SYCE3: variants seen among roughly 807,000 people sequenced by gnomAD.
SYCE3 encodes testis highly expressed gene 2 protein.
Under a neutral mutation model 8.1 loss-of-function variants are expected in SYCE3, and 3 were observed. The ratio of observed to expected loss-of-function variants is 0.37; its 90% CI spans 0.17 to 0.96. The LOEUF is 0.96. Among genes scored for constraint, SYCE3 ranks in the 40% least tolerant of loss-of-function variants. The pLI is 0.41. For synonymous variants in SYCE3, 36 were observed against 38.7 expected (o/e 0.93, Z 0.26); for missense variants, 83 against 110.0 (o/e 0.75, Z 1.10).
chr22:50,559,638 G>T (rs1397342063), intron 1 of SYCE3, among the ~76,000 whole-genome samples: 1 of 152,156 alleles, frequency 6.6e-6, no homozygotes, highest in Non-Finnish European at 1.5e-5. Context: ...AGTGTTAGAA[G>T]TGGAGGTAGC....
chr22:50,552,779 TC>T (rs2069823267), intron 2 of SYCE3, among the ~76,000 whole-genome samples: 1 of 152,008 alleles, frequency 6.6e-6, no homozygotes, highest in Non-Finnish European at 1.5e-5. Context: ...GGAGGTCGGG[TC>T]TTTTGGAGAT....
intron 2 of SYCE3, among the ~76,000 whole-genome samples, chr22:50,554,152 G>A (rs529371391): frequency 6.7e-6 from 1 of 149,290 alleles, no homozygotes; most frequent in South Asian, 2.1e-4. Context: ...CCGAGATTGT[G>A]CCACTGCACT....
chr22:50,559,006 G>C (rs902638037), intron 1 of SYCE3, among the ~76,000 whole-genome samples: 1 of 152,110 alleles, frequency 6.6e-6, no homozygotes, highest in Admixed American at 6.5e-5. Context: ...TTTTAACCTT[G>C]TTCTCTCCAA....
chr22:50,551,666 G>C (rs1196047830), intron 2 of SYCE3, among the ~76,000 whole-genome samples: 1 of 152,222 alleles, frequency 6.6e-6, no homozygotes, highest in African/African-American at 2.4e-5. Context: ...AAAAACTAGA[G>C]GCTGGTCTGA....
chr22:50,559,659 A>C (rs1569034059), intron 1 of SYCE3, among the ~76,000 whole-genome samples: 1 of 152,152 alleles, frequency 6.6e-6, no homozygotes, highest in Admixed American at 6.5e-5. Context: ...CGCCAGGCTT[A>C]GTCGGTCATG....
chr22:50,557,747 T>G (rs1276109673), intron 1 of SYCE3, among the ~76,000 whole-genome samples: 1 of 151,172 alleles, frequency 6.6e-6, no homozygotes, highest in Non-Finnish European at 1.5e-5. Flanking sequence ...ATGTAAGAGC[T>G]GCCAGGGAAC....
intron 2 of SYCE3, among the ~76,000 whole-genome samples, chr22:50,552,828 AG>A (rs746187454): frequency 6.6e-6 from 1 of 152,146 alleles, no homozygotes; most frequent in Non-Finnish European, 1.5e-5. Context: ...GAATGGGATT[AG>A]CACCCCTTAA....
intron 1 of SYCE3, among the ~76,000 whole-genome samples, chr22:50,558,690 G>T (rs6010005): frequency 1.4e-4 from 21 of 152,106 alleles, no homozygotes; most frequent in African/African-American, 4.6e-4. Context: ...TAAGTGGGGA[G>T]GTACAGGCAG....
At position 50,551,271 on chromosome 22, in the gene SYCE3, G is replaced by A; in HGVS notation, c.241C>T (p.Leu81=). 6.4e-7 allele frequency: 1 copy of A among 1,551,410 alleles called. No homozygotes were observed. ...EEMEKNWQEL[L]HETKQRL is the part of the protein sequence containing the mutation. ...TACAGCCTTTGCTTGGTCTCATGCA[G>A]CAGCTCTTGCCAGTTCTTCTCCATC... The change falls in exon 3 of 3, where the codon CTG becomes TTG. Residue 81 remains leucine, a synonymous_variant. Transcript: ENST00000406915.
chr22:50,556,319 T>TAA lies in SYCE3; in HGVS notation c.85_86dup (p.Leu29PhefsTer2). 6.4e-7 allele frequency: 1 copy of TAA among 1,551,882 alleles called. No homozygotes were observed. The highest frequency in any genetic ancestry group is 1.2e-5 in the South Asian group (1 of 84,060). ...TACCTGAGATTTTCTCCATCTCTTCTAATAGCTTTTCCAAGTCCTTATTCA... is the reference window on the plus strand; with the variant it reads ...TACCTGAGATTTTCTCCATCTCTTCTAAAATAGCTTTTCCAAGTCCTTATTCA... On this transcript the variant is annotated frameshift_variant, in exon 2 of 3. Coordinates refer to ENST00000406915, the MANE Select transcript of SYCE3 (RefSeq NM_001123225.3). LOFTEE classifies it high-confidence loss of function.
chr22:50,553,926 G>T (rs2069834123), intron 2 of SYCE3, among the ~76,000 whole-genome samples: 1 of 152,052 alleles, frequency 6.6e-6, no homozygotes, highest in Non-Finnish European at 1.5e-5. Flanking sequence ...GGGTGCGGTG[G>T]CTCATTCCTG....
intron 1 of SYCE3, among the ~76,000 whole-genome samples, chr22:50,559,291 T>C (rs972448974): frequency 1.3e-5 from 2 of 152,116 alleles, no homozygotes; most frequent in African/African-American, 4.8e-5. Context: ...CATGCCCAGA[T>C]AATTTTTGTA....
chr22:50,557,407 C>T (rs1161795567), intron 1 of SYCE3, among the ~76,000 whole-genome samples: 1 of 152,060 alleles, frequency 6.6e-6, no homozygotes, highest in South Asian at 2.1e-4. Flanking sequence ...CTATCCACCT[C>T]GGCCTCCCAA....
chr22:50,560,628 A>G (rs1171046615), intron 1 of SYCE3, among the ~76,000 whole-genome samples: 3 of 152,160 alleles, frequency 2.0e-5, no homozygotes, highest in Non-Finnish European at 4.4e-5. Context: ...GGAAGGGGAG[A>G]AAAAAACAGG....
intron 1 of SYCE3, among the ~76,000 whole-genome samples, chr22:50,558,355 C>T (rs976654002): frequency 4.0e-5 from 6 of 151,656 alleles, no homozygotes; most frequent in Non-Finnish European, 5.9e-5. Context: ...CGCTTGAACC[C>T]GGGAGGTGGA....
At chr22:50,554,182 G>A (rs1180294220) in intron 2 of SYCE3, among the ~76,000 whole-genome samples, 2 of 146,536 alleles carry the variant, frequency 1.4e-5, no homozygotes, top group Admixed American at 6.7e-5. Flanking sequence ...GCAACAGAGC[G>A]CGACTCTGTC....
chr22:50,561,297 C>G (rs549320546), intron 1 of SYCE3, among the ~76,000 whole-genome samples: 275 of 152,004 alleles, frequency 1.8e-3, no homozygotes, highest in Admixed American at 2.7e-3. Flanking sequence ...GAGGCTGGGC[C>G]GGAGTGGCAC....
At chr22:50,555,260 G>C (rs2148698574) in intron 2 of SYCE3, among the ~76,000 whole-genome samples, 1 of 152,262 alleles carries the variant, frequency 6.6e-6, no homozygotes, top group Non-Finnish European at 1.5e-5. Flanking sequence ...ACTGATACGT[G>C]TCTCAGCTAT....
chr22:50,555,126 T>A (rs201438845), intron 2 of SYCE3, among the ~76,000 whole-genome samples: 1 of 149,700 alleles, frequency 6.7e-6, no homozygotes, highest in Admixed American at 6.7e-5. Flanking sequence ...TGTCTTAAAA[T>A]AAATAAATAA....
Sources: allele counts gnomAD v4.1 joint callset (sites outside exome capture counted in the v4.1 genomes callset), GRCh38; gene constraint gnomAD v4.1.1; transcripts MANE v1.5; gene names NCBI Gene and HGNC (gene_info 2026-07-23, HGNC 2026-07-21).